The following FGD4 variants were observed in gnomAD, a reference collection of about 807,000 sequenced individuals.
FGD4 encodes FYVE, RhoGEF and PH domain containing 4.
Under a neutral mutation model 102.0 loss-of-function variants are expected in FGD4, and 42 were observed. That is an observed-to-expected ratio of 0.41 (90% CI 0.32 to 0.53). The LOEUF is 0.53. Among genes scored for constraint, FGD4 ranks in the 20% least tolerant of loss-of-function variants. The probability of loss-of-function intolerance (pLI) is 0.21; values close to 1 mark genes in which losing one functional copy is unlikely to be tolerated. For missense variants in FGD4, 902 were observed against 1,078.2 expected (o/e 0.84, Z 2.29); for synonymous variants, 380 against 375.7 (o/e 1.01, Z -0.13).
At chr12:32,542,389 A>G (rs978409049) in intron 1 of FGD4, among the ~76,000 whole-genome samples, 1 of 152,200 alleles carries the variant, frequency 6.6e-6, no homozygotes, top group Admixed American at 6.5e-5. Context: ...AAAAGGATCT[A>G]TTTTCCCTTT....
At position 32,602,245 on chromosome 12, in the gene FGD4, T is replaced by C; in HGVS notation, c.1332T>C (p.Asp444=). ...ATGGAGAATATGTGAAAGGATTTGA[T>C]AATGCAATGGAATTGGTTAAAAACA... ...KMYGEYVKGF[D]NAMELVKNMT... is the part of the protein sequence containing the mutation. Residue 444 remains aspartate, a synonymous_variant, in exon 7 of 17, where the codon GAT becomes GAC. Coordinates refer to ENST00000534526, the MANE Select transcript of FGD4 (RefSeq NM_001370298.3). The C allele has an allele frequency of 6.2e-7, 1 of 1,614,200 alleles. No individual in the cohort carries two copies. The highest frequency in any genetic ancestry group is 2.2e-5 in the East Asian group (1 of 44,866).
At chr12:32,460,922 G>C (rs996248391) in intron 1 of FGD4, among the ~76,000 whole-genome samples, 2 of 152,166 alleles carry the variant, frequency 1.3e-5, no homozygotes, top group African/African-American at 2.4e-5. Flanking sequence ...TCTACATACT[G>C]TTTCTATTGA....
chr12:32,599,626 C>A (rs1301653106), intron 5 of FGD4, among the ~76,000 whole-genome samples: 2 of 114,094 alleles, frequency 1.8e-5, no homozygotes, highest in Non-Finnish European at 3.3e-5. Context: ...TGGCTCACTG[C>A]GACCTCCTAC....
chr12:32,530,941 GTTTTTTTTTTTTTTTT>G (rs768536136), intron 1 of FGD4, among the ~76,000 whole-genome samples: 1 of 70,466 alleles, frequency 1.4e-5, no homozygotes, highest in Non-Finnish European at 2.5e-5. Flanking sequence ...CCTAGCTTTG[GTTTTTTTTTTTTTTTT>G]TTTTTTTTTT....
intron 4 of FGD4, among the ~76,000 whole-genome samples, chr12:32,593,228 G>A (rs1389512973): frequency 6.6e-6 from 1 of 152,064 alleles, no homozygotes; most frequent in Non-Finnish European, 1.5e-5. Context: ...ACAGTGTCTG[G>A]CATACAATAA....
intron 16 of FGD4, among the ~76,000 whole-genome samples, chr12:32,639,594 G>A (rs997435605): frequency 2.6e-5 from 4 of 152,144 alleles, no homozygotes; most frequent in African/African-American, 7.2e-5. Flanking sequence ...AGAACCCCAC[G>A]TATATGGATC....
chr12:32,486,650 A>T (rs180906382), intron 1 of FGD4, among the ~76,000 whole-genome samples: 1 of 152,314 alleles, frequency 6.6e-6, no homozygotes, highest in African/African-American at 2.4e-5. Flanking sequence ...TACTTCTAAA[A>T]CATGAGCAAG....
chr12:32,401,417 G>C (rs970606449), intron 1 of FGD4, among the ~76,000 whole-genome samples: 1 of 151,756 alleles, frequency 6.6e-6, no homozygotes, highest in Non-Finnish European at 1.5e-5. Context: ...GCGCCACCAC[G>C]CCCAACTAAT....
At chr12:32,425,885 GA>G (rs900841125) in intron 1 of FGD4, among the ~76,000 whole-genome samples, 1 of 152,138 alleles carries the variant, frequency 6.6e-6, no homozygotes, top group African/African-American at 2.4e-5. Flanking sequence ...TGGTGTATAG[GA>G]ATGCTTGTGA....
intron 4 of FGD4, among the ~76,000 whole-genome samples, chr12:32,595,561 A>T (rs1208454086): frequency 1.3e-5 from 2 of 152,200 alleles, no homozygotes; most frequent in African/African-American, 4.8e-5. Flanking sequence ...CTCCAGAACC[A>T]ATCACTATGA....
chr12:32,402,048 G>A (rs1166866744), intron 1 of FGD4, among the ~76,000 whole-genome samples: 1 of 149,060 alleles, frequency 6.7e-6, no homozygotes, highest in Non-Finnish European at 1.5e-5. Flanking sequence ...GACTACAGGC[G>A]CCCGCCACCA....
intron 1 of FGD4, among the ~76,000 whole-genome samples, chr12:32,533,571 G>T (rs1418807665): frequency 2.0e-5 from 3 of 152,102 alleles, no homozygotes; most frequent in Admixed American, 2.0e-4. Context: ...GATTACAGGT[G>T]CATGCCACCA....
intron 1 of FGD4, among the ~76,000 whole-genome samples, chr12:32,527,238 CTG>C (rs1313381521): frequency 2.0e-5 from 3 of 152,138 alleles, no homozygotes; most frequent in African/African-American, 7.2e-5. Flanking sequence ...TAGAGTTAAA[CTG>C]TGGGATATTA....
At chr12:32,448,711 G>A (rs1227524390) in intron 1 of FGD4, among the ~76,000 whole-genome samples, 1 of 145,382 alleles carries the variant, frequency 6.9e-6, no homozygotes, top group Non-Finnish European at 1.6e-5. Context: ...AGGTAGGAAT[G>A]TGTGTTTAGC....
chr12:32,643,635 C>T lies in FGD4; in HGVS notation c.*3102C>T, dbSNP rs1951271091. 6.6e-6 allele frequency: 1 copy of T among 150,880 alleles called. No homozygotes were observed. Among genetic ancestry groups the T allele is most frequent in the Non-Finnish European group, 1.5e-5 (1 of 67,762 alleles). The allele number at this position is 150,880 out of a possible 1,614,324, so 9.3% of individuals were successfully genotyped here. A position where few individuals can be genotyped will look rare whatever the true frequency, so the allele number is the denominator to read the frequency against. ...TACAGAAACTAACCTTTTAAATGTACCCTTTCCCCATATATATATACGCAC... is the reference window on the plus strand; with the variant it reads ...TACAGAAACTAACCTTTTAAATGTATCCTTTCCCCATATATATATACGCAC... On this transcript the variant is annotated 3_prime_UTR_variant, in exon 17 of 17. Transcript: ENST00000534526.
intron 2 of FGD4, among the ~76,000 whole-genome samples, chr12:32,571,483 T>C (rs1288609505): frequency 6.6e-6 from 1 of 151,142 alleles, no homozygotes; most frequent in Non-Finnish European, 1.5e-5. Flanking sequence ...AAGAGTTGAA[T>C]GTTAACCTAT....
Position 32,643,553 on chromosome 12 carries a change from T to TTA in FGD4, c.*3022_*3023dup, listed in dbSNP as rs901825493. 3 of 152,084 alleles carry TTA rather than the reference T, an allele frequency of 2.0e-5. No homozygotes were observed. The highest frequency in any genetic ancestry group is 6.6e-5 in the Admixed American group (1 of 15,260). The allele number at this position is 152,084 out of a possible 1,614,324, so 9.4% of individuals were successfully genotyped here. A position where few individuals can be genotyped will look rare whatever the true frequency, so the allele number is the denominator to read the frequency against. ...TTAATTTGACATCAGGTTTGTGTAC[T>TTA]TATCTTCACTAGGTGACTTAACTTA... On this transcript the variant is annotated 3_prime_UTR_variant, in exon 17 of 17. Coordinates refer to ENST00000534526, the MANE Select transcript of FGD4 (RefSeq NM_001370298.3).
chr12:32,595,795 A>G (rs947865183), intron 4 of FGD4, among the ~76,000 whole-genome samples: 2 of 152,240 alleles, frequency 1.3e-5, no homozygotes, highest in Non-Finnish European at 2.9e-5. Flanking sequence ...GTGGAATTAG[A>G]TGACTGCATA....
At chr12:32,606,731 A>G (rs1269471137) in intron 7 of FGD4, among the ~76,000 whole-genome samples, 6 of 152,180 alleles carry the variant, frequency 3.9e-5, no homozygotes, top group East Asian at 1.9e-4. Flanking sequence ...TGAATTCAGT[A>G]TATACTTTAA....
Sources: gnomAD v4.1 joint callset for allele counts (sites outside exome capture counted in the v4.1 genomes callset) on GRCh38, gnomAD v4.1.1 for gene constraint, MANE v1.5 for transcripts, NCBI Gene and HGNC (gene_info 2026-07-23, HGNC 2026-07-21) for gene names.